Variants in XPO7 observed in about 807,000 individuals in gnomAD.
XPO7 encodes exportin-7.
In XPO7, 21 loss-of-function variants were observed where a neutral mutation model predicts 144.3. That is an observed-to-expected ratio of 0.15 (90% CI 0.10 to 0.21). The LOEUF (loss-of-function observed/expected upper bound fraction) is 0.21, where lower values mean the gene tolerates loss of function less well. Among genes scored for constraint, XPO7 ranks in the 10% least tolerant of loss-of-function variants. The probability of loss-of-function intolerance (pLI) is 1.00; values close to 1 mark genes in which losing one functional copy is unlikely to be tolerated. For missense variants in XPO7, 808 were observed against 1,325.8 expected (o/e 0.61, Z 6.06); for synonymous variants, 580 against 499.6 (o/e 1.16, Z -2.15).
chr8:21,981,045 C>A (rs1812393355), intron 9 of XPO7, among the ~76,000 whole-genome samples: 1 of 152,068 alleles, frequency 6.6e-6, no homozygotes, highest in African/African-American at 2.4e-5. Context: ...TTTTAAAATT[C>A]ATTTATTCAT....
chr8:21,934,308 C>A (rs112430013), intron 1 of XPO7, among the ~76,000 whole-genome samples: 1 of 152,000 alleles, frequency 6.6e-6, no homozygotes, highest in African/African-American at 2.4e-5. Flanking sequence ...CCGAGGTGGG[C>A]GGATCACCTG....
In XPO7 at chr8:21,969,822, A is replaced by T. The variant is rs1287408942; in HGVS notation, c.259+246A>T. The stretch of plus-strand genomic sequence containing the variant: ...AGATTTCTTCATTCATCTTTTCTTT[A>T]CTGCCACTAATAACTAAGAAAAACA... On this transcript the variant is annotated intron_variant, in intron 3 of 27. Transcript: ENST00000252512. The T allele has an allele frequency of 2.0e-5, 11 of 548,244 alleles. No individual in the cohort carries two copies. The East Asian group carries it at 3.4e-4, about 17-fold the overall frequency. The allele number at this position is 548,244 out of a possible 1,614,324, so 34.0% of individuals were successfully genotyped here.
chr8:21,990,666 T>C, intron 17 of XPO7, 145 bp from the exon 18 acceptor site: 1 of 859,586 alleles, frequency 1.2e-6, no homozygotes, highest in Non-Finnish European at 1.8e-6. Flanking sequence ...GTAGCCTGCC[T>C]TCAAAAAAAA....
intron 1 of XPO7, among the ~76,000 whole-genome samples, chr8:21,937,954 TATAG>T (rs1012661430): frequency 8.5e-5 from 13 of 152,208 alleles, no homozygotes; most frequent in African/African-American, 1.2e-4. Flanking sequence ...AGAAATAAGA[TATAG>T]ATAATATTTA....
At chr8:21,920,103 C>T (rs1261181752) in intron 1 of XPO7, among the ~76,000 whole-genome samples, 1 of 152,020 alleles carries the variant, frequency 6.6e-6, no homozygotes, top group Non-Finnish European at 1.5e-5. Flanking sequence ...AGGCCTCCGT[C>T]AAGTCCTCGG....
chr8:21,981,229 C>T (rs761707152), intron 9 of XPO7, among the ~76,000 whole-genome samples: 45 of 152,112 alleles, frequency 3.0e-4, no homozygotes, highest in Non-Finnish European at 5.3e-4. Flanking sequence ...ATAAATACTA[C>T]TATATGAATA....
chr8:21,967,504 A>G (rs559604030), intron 2 of XPO7, among the ~76,000 whole-genome samples: 1 of 151,488 alleles, frequency 6.6e-6, no homozygotes, highest in South Asian at 2.1e-4. Flanking sequence ...CTAATTTTGT[A>G]TTTTTTTTAG....
intron 23 of XPO7, 52 bp downstream of exon 23, chr8:21,999,357 T>G: frequency 1.2e-6 from 2 of 1,604,226 alleles, no homozygotes; most frequent in Non-Finnish European, 1.7e-6. Flanking sequence ...CATTCAGCCT[T>G]TTTCACCTGA....
At chr8:21,993,915 G>GTC (rs146886015) in intron 19 of XPO7, among the ~76,000 whole-genome samples, 23,421 of 140,870 alleles carry the variant, frequency 0.17, 2,123 homozygotes, top group African/African-American at 0.23. Flanking sequence ...TCTTTGCCGT[G>GTC]TCTCTCTCTC....
chr8:21,941,856 CGTT>C (rs753966882), intron 1 of XPO7, among the ~76,000 whole-genome samples: 10 of 152,154 alleles, frequency 6.6e-5, no homozygotes, highest in East Asian at 3.9e-4. Flanking sequence ...TTTAAATTTT[CGTT>C]GTTGTTGTTG....
chr8:22,003,408 C>A, intron 26 of XPO7, 91 bp downstream of exon 26: 1 of 987,358 alleles, frequency 1.0e-6, no homozygotes, highest in Non-Finnish European at 1.5e-6. Context: ...TGTATAGAAA[C>A]ACCCCACGGT....
chr8:22,004,479 A>G (rs1369592493), intron 27 of XPO7, among the ~76,000 whole-genome samples: 1 of 152,210 alleles, frequency 6.6e-6, no homozygotes, highest in Non-Finnish European at 1.5e-5. Context: ...TGGGCTTTGC[A>G]ATTAACTTTT....
In XPO7 at chr8:21,959,498, C is replaced by G. The variant is rs151190702; in HGVS notation, c.19-7359C>G. On this transcript the variant is annotated intron_variant, in intron 1 of 27. Coordinates refer to ENST00000252512, the MANE Select transcript of XPO7 (RefSeq NM_015024.5). ...ATTTGTCTGCCACCTAAAATCTTACCCATTACTCTGTACTGAATCAACTCC... is the reference window on the plus strand; with the variant it reads ...ATTTGTCTGCCACCTAAAATCTTACGCATTACTCTGTACTGAATCAACTCC... Among the ~76,000 whole-genome samples the G allele has an allele frequency of 6.1e-3, 927 of 152,228 alleles. 6 individuals are homozygous for G. Among genetic ancestry groups the G allele is most frequent in the Non-Finnish European group, 0.01 (689 of 68,016 alleles).
intron 16 of XPO7, 125 bp from the exon 17 acceptor site, chr8:21,990,219 A>T: frequency 3.4e-6 from 3 of 888,264 alleles, no homozygotes; most frequent in South Asian, 1.6e-5. Flanking sequence ...TGGCAGTGGT[A>T]TACTCAAGTA....
At chr8:21,991,705 A>C (rs1812778757) in intron 18 of XPO7, 163 bp from the exon 19 acceptor site, 1 of 507,986 alleles carries the variant, frequency 2.0e-6, no homozygotes, top group Non-Finnish European at 3.5e-6. Context: ...TTCTGTTTCT[A>C]TATATACATG....
chr8:21,939,047 A>C (rs1239964334), intron 1 of XPO7, among the ~76,000 whole-genome samples: 4 of 152,172 alleles, frequency 2.6e-5, no homozygotes, highest in African/African-American at 9.7e-5. Context: ...GGATACATGA[A>C]ATATACTCCC....
intron 1 of XPO7, among the ~76,000 whole-genome samples, chr8:21,942,174 C>A (rs1165331184): frequency 6.6e-6 from 1 of 152,144 alleles, no homozygotes; most frequent in African/African-American, 2.4e-5. Context: ...GTAAGTCCTA[C>A]TGTGTTTAAA....
At chr8:21,947,662 C>A (rs1244156129) in intron 1 of XPO7, among the ~76,000 whole-genome samples, 5 of 152,088 alleles carry the variant, frequency 3.3e-5, no homozygotes, top group African/African-American at 1.2e-4. Context: ...AGGAAAAGAT[C>A]TCTCCAACAG....
chr8:21,975,164 C>A (rs946121063), intron 6 of XPO7, among the ~76,000 whole-genome samples: 5 of 152,212 alleles, frequency 3.3e-5, no homozygotes, highest in African/African-American at 1.2e-4. Flanking sequence ...ATTCTTAGTG[C>A]TCTGAAAGTA....
Sources: allele counts gnomAD v4.1 joint callset (sites outside exome capture counted in the v4.1 genomes callset), GRCh38; gene constraint gnomAD v4.1.1; transcripts MANE v1.5; gene names NCBI Gene and HGNC (gene_info 2026-07-23, HGNC 2026-07-21).